The following SLC7A2 variants were observed in gnomAD, a reference collection of about 807,000 sequenced individuals.
SLC7A2 encodes the protein cationic amino acid transporter 2.
In SLC7A2, 48 loss-of-function variants were observed where a neutral mutation model predicts 58.9. The ratio of observed to expected loss-of-function variants is 0.82; its 90% CI spans 0.65 to 1.04. The LOEUF is 1.04. SLC7A2 is among the 50% of genes least tolerant of loss of function. SLC7A2 has a pLI of 0.00. For synonymous variants in SLC7A2, 363 were observed against 314.5 expected (o/e 1.15, Z -1.63); for missense variants, 1,029 against 818.8 (o/e 1.26, Z -3.13).
chr8:17,532,261 C>CAAAA (rs1563454562), intron 2 of SLC7A2, among the ~76,000 whole-genome samples: 3 of 28,662 alleles, frequency 1.0e-4, no homozygotes, highest in African/African-American at 1.4e-4. Context: ...AAAAAAAAAC[C>CAAAA]CCAGCAATTC....
At chr8:17,515,455 C>T (rs1321896497) in intron 2 of SLC7A2, among the ~76,000 whole-genome samples, 1 of 152,018 alleles carries the variant, frequency 6.6e-6, no homozygotes, top group Admixed American at 6.6e-5. Context: ...GCCACCACAC[C>T]CAGCTAATTT....
At chr8:17,502,523 T>C (rs984607421) in intron 2 of SLC7A2, among the ~76,000 whole-genome samples, 1 of 152,218 alleles carries the variant, frequency 6.6e-6, no homozygotes, top group Non-Finnish European at 1.5e-5. Context: ...CTATAAGATA[T>C]TGCTCTTCCA....
intron 2 of SLC7A2, among the ~76,000 whole-genome samples, chr8:17,527,545 C>A (rs929562186): frequency 6.6e-6 from 1 of 152,136 alleles, no homozygotes; most frequent in Non-Finnish European, 1.5e-5. Context: ...AACTTGAAGT[C>A]CAAAATCAAG....
intron 2 of SLC7A2, among the ~76,000 whole-genome samples, chr8:17,510,023 C>T (rs1475558669): frequency 1.3e-5 from 2 of 151,878 alleles, no homozygotes; most frequent in East Asian, 1.9e-4. Flanking sequence ...AGTTTGAGAC[C>T]AGCCTGAACA....
chr8:17,543,449 T>G lies in SLC7A2; in HGVS notation c.110T>G (p.Met37Arg), dbSNP rs1198163849. 1 of 1,614,152 alleles carries G rather than the reference T, an allele frequency of 6.2e-7. No homozygotes were observed. Among genetic ancestry groups the G allele is most frequent in the Non-Finnish European group, 8.5e-7 (1 of 1,180,036 alleles). ...DTKLCRCLST[M>R]DLIALGVGST... ...AAATTATGCCGCTGCTTATCCACCA[T>G]GGACCTCATTGCCCTGGGCGTTGGA... Residue 37 changes from methionine to arginine, a missense_variant, in exon 3 of 13, where the codon ATG becomes AGG. Met to Arg is a moderately conservative substitution (Grantham distance 91, BLOSUM62 -1). Coordinates refer to ENST00000494857, the MANE Select transcript of SLC7A2 (RefSeq NM_001370338.1).
chr8:17,545,403 C>CTTTTTTTTTTTT (rs386412194), intron 4 of SLC7A2, among the ~76,000 whole-genome samples: 2 of 64,274 alleles, frequency 3.1e-5, no homozygotes, highest in African/African-American at 1.4e-4. Context: ...TGAACATTTT[C>CTTTTTTTTTTTT]TTTTTTTTTT....
chr8:17,530,460 C>T (rs1247031024), intron 2 of SLC7A2, among the ~76,000 whole-genome samples: 3 of 152,090 alleles, frequency 2.0e-5, no homozygotes, highest in Non-Finnish European at 4.4e-5. Context: ...TAGCAACATG[C>T]AGGGCTAGAA....
In SLC7A2 at chr8:17,550,541, G is replaced by T. The variant is rs909918070; in HGVS notation, c.832+107G>T. The T allele has an allele frequency of 2.9e-6, 3 of 1,022,168 alleles. No homozygotes were observed. The Admixed American group carries it at 8.1e-5, about 28-fold the overall frequency. The allele number at this position is 1,022,168 out of a possible 1,614,324, so 63.3% of individuals were successfully genotyped here. On this transcript the variant is annotated intron_variant, in intron 6 of 12. Coordinates refer to ENST00000494857, the MANE Select transcript of SLC7A2 (RefSeq NM_001370338.1). Reference sequence around the variant, plus strand: ...GGAAAGAGAGAGGGATTTCGGGTAAGAAGGGCACTAGTTCCAGGCCCAGCT... The same window carrying T: ...GGAAAGAGAGAGGGATTTCGGGTAATAAGGGCACTAGTTCCAGGCCCAGCT...
intron 2 of SLC7A2, among the ~76,000 whole-genome samples, chr8:17,536,744 G>A (rs1801683369): frequency 6.6e-6 from 1 of 152,204 alleles, no homozygotes; most frequent in African/African-American, 2.4e-5. Flanking sequence ...AAATGTAGCA[G>A]AAATGGCTGA....
rs541950439 is a variant in SLC7A2, at chr8:17,519,712, G to A, written c.-23+17410G>A. Reference sequence around the variant, plus strand: ...TCCATGCCATATCATCATCTCCTTTGTTTACTTCAGGGTCACTTACCTAAA... The same window carrying A: ...TCCATGCCATATCATCATCTCCTTTATTTACTTCAGGGTCACTTACCTAAA... On this transcript the variant is annotated intron_variant, in intron 2 of 12. Coordinates refer to ENST00000494857, the MANE Select transcript of SLC7A2 (RefSeq NM_001370338.1). Among the ~76,000 whole-genome samples the A allele has an allele frequency of 3.3e-5, 5 of 152,168 alleles. No homozygotes were observed. The South Asian group carries it at 1.0e-3, about 32-fold the overall frequency.
intron 1 of SLC7A2, 42 bp downstream of exon 1, chr8:17,497,279 G>C (rs1057231682): frequency 6.6e-6 from 1 of 152,158 alleles, no homozygotes; most frequent in Non-Finnish European, 1.5e-5. Flanking sequence ...GGCCGCGGGC[G>C]AGGGGCAGCC....
chr8:17,533,016 T>A (rs2588228), intron 2 of SLC7A2, among the ~76,000 whole-genome samples: 2 of 151,932 alleles, frequency 1.3e-5, no homozygotes, highest in Non-Finnish European at 2.9e-5. Flanking sequence ...TAAGGACCAC[T>A]TTATTTCCAG....
chr8:17,512,168 T>C (rs954704870), intron 2 of SLC7A2, among the ~76,000 whole-genome samples: 9 of 152,144 alleles, frequency 5.9e-5, no homozygotes, highest in African/African-American at 2.2e-4. Context: ...AATTCGTGTT[T>C]CTCTGTCTCT....
intron 2 of SLC7A2, among the ~76,000 whole-genome samples, chr8:17,519,275 T>C (rs888596660): frequency 6.6e-6 from 1 of 152,222 alleles, no homozygotes; most frequent in African/African-American, 2.4e-5. Flanking sequence ...ACACTTAGCC[T>C]AGTTCCTAAA....
intron 2 of SLC7A2, among the ~76,000 whole-genome samples, chr8:17,518,193 A>G (rs1243464147): frequency 6.6e-6 from 1 of 151,354 alleles, no homozygotes; most frequent in East Asian, 1.9e-4. Flanking sequence ...ATAGTCTCAA[A>G]TATTTATTCA....
chr8:17,544,702 T>A (rs1802083424), intron 4 of SLC7A2, 96 bp downstream of exon 4: 7 of 1,020,434 alleles, frequency 6.9e-6, no homozygotes, highest in Non-Finnish European at 1.0e-5. Flanking sequence ...GTTCCCAAGA[T>A]GAGATTAGTA....
chr8:17,545,275 G>C (rs1392003338), intron 4 of SLC7A2, among the ~76,000 whole-genome samples: 1 of 152,072 alleles, frequency 6.6e-6, no homozygotes, highest in African/African-American at 2.4e-5. Context: ...GAGGGCATCA[G>C]TGTCTGCCTC....
intron 2 of SLC7A2, among the ~76,000 whole-genome samples, chr8:17,521,811 A>C (rs1488656310): frequency 2.0e-5 from 3 of 152,256 alleles, no homozygotes; most frequent in Non-Finnish European, 4.4e-5. Context: ...CAAAAGGAAG[A>C]AATCAAACCC....
At chr8:17,542,432 C>T (rs957285240) in intron 2 of SLC7A2, among the ~76,000 whole-genome samples, 3 of 152,134 alleles carry the variant, frequency 2.0e-5, no homozygotes, top group Non-Finnish European at 2.9e-5. Flanking sequence ...GGTAGGACTG[C>T]GTGAGCCCAT....
Sources: allele counts gnomAD v4.1 joint callset (sites outside exome capture counted in the v4.1 genomes callset), GRCh38; gene constraint gnomAD v4.1.1; transcripts MANE v1.5; gene names NCBI Gene and HGNC (gene_info 2026-07-23, HGNC 2026-07-21).